Variants in UBAC2 observed in about 807,000 individuals in gnomAD.
UBAC2 encodes the protein UBA domain containing 2.
A neutral mutation model predicts 44.0 loss-of-function variants in UBAC2; 26 were observed. The ratio of observed to expected loss-of-function variants is 0.59; its 90% CI spans 0.43 to 0.82. UBAC2 has a LOEUF of 0.82. UBAC2 is among the 40% of genes least tolerant of loss of function. The probability of loss-of-function intolerance (pLI) is 0.00; values close to 1 mark genes in which losing one functional copy is unlikely to be tolerated. For missense variants in UBAC2, 329 were observed against 419.4 expected, an observed-to-expected ratio of 0.78 and a Z score of 1.88; for synonymous variants, 155 against 154.3, an observed-to-expected ratio of 1.00 and a Z score of -0.04.
intron 4 of UBAC2, among the ~76,000 whole-genome samples, chr13:99,284,537 T>C (rs934384141): frequency 6.6e-6 from 1 of 152,258 alleles, no homozygotes; most frequent in African/African-American, 2.4e-5. Context: ...ACAGTATTTT[T>C]TCTGAATCAT....
intron 7 of UBAC2, 45 bp downstream of exon 7, chr13:99,340,610 C>T (rs1594144650): frequency 6.3e-7 from 1 of 1,584,166 alleles, no homozygotes. Context: ...TTCTCAGTGG[C>T]CCAAGCAAAT....
chr13:99,300,134 C>T (rs1204626410), intron 4 of UBAC2, among the ~76,000 whole-genome samples: 5 of 152,194 alleles, frequency 3.3e-5, no homozygotes, highest in Non-Finnish European at 7.3e-5. Context: ...GCAGGGGGTG[C>T]CCACTTCCAG....
At chr13:99,258,206 C>G (rs2043601271) in intron 4 of UBAC2, 1 of 152,266 alleles carries the variant, frequency 6.6e-6, no homozygotes, top group African/African-American at 2.4e-5. Context: ...AGCACTTCCA[C>G]TTCTGTCGAA....
At chr13:99,289,293 G>A (rs1279023145) in intron 4 of UBAC2, among the ~76,000 whole-genome samples, 1 of 152,232 alleles carries the variant, frequency 6.6e-6, no homozygotes, top group African/African-American at 2.4e-5. Context: ...ATTAAGGGAG[G>A]CGGTGTGATT....
chr13:99,323,236 G>A (rs775224144), intron 6 of UBAC2, among the ~76,000 whole-genome samples: 7 of 152,100 alleles, frequency 4.6e-5, no homozygotes, highest in Non-Finnish European at 8.8e-5. Flanking sequence ...AAGCCTCCCA[G>A]TTAAACTTAC....
chr13:99,346,362 G>A (rs1008493366), intron 7 of UBAC2, among the ~76,000 whole-genome samples: 1 of 152,186 alleles, frequency 6.6e-6, no homozygotes, highest in Non-Finnish European at 1.5e-5. Context: ...TGTGAAAACA[G>A]AAATCTGCTT....
At chr13:99,257,958 T>C (rs910740910) in intron 4 of UBAC2, among the ~76,000 whole-genome samples, 6 of 152,242 alleles carry the variant, frequency 3.9e-5, no homozygotes, top group Non-Finnish European at 5.9e-5. Flanking sequence ...AAATATATTT[T>C]TTTAATAGAG....
intron 4 of UBAC2, among the ~76,000 whole-genome samples, chr13:99,272,649 AC>A (rs767733371): frequency 2.3e-4 from 35 of 152,172 alleles, no homozygotes; most frequent in African/African-American, 4.8e-5. Flanking sequence ...CTGTGTCCTT[AC>A]ATGGCTGAGA....
chr13:99,210,060 A>G (rs779284185), intron 1 of UBAC2, among the ~76,000 whole-genome samples: 4 of 152,236 alleles, frequency 2.6e-5, no homozygotes, highest in Admixed American at 2.0e-4. Flanking sequence ...GCTTTTAGAA[A>G]ATGTTTCTTT....
At chr13:99,336,114 A>T (rs2044785636) in intron 6 of UBAC2, among the ~76,000 whole-genome samples, 1 of 152,160 alleles carries the variant, frequency 6.6e-6, no homozygotes, top group Non-Finnish European at 1.5e-5. Flanking sequence ...GTGAGGATAA[A>T]CATCTTTTCA....
intron 4 of UBAC2, among the ~76,000 whole-genome samples, chr13:99,251,897 A>G (rs1053446725): frequency 2.6e-5 from 4 of 152,062 alleles, no homozygotes; most frequent in Admixed American, 1.3e-4. Context: ...TCTTACGCCA[A>G]GCTTCTAGGA....
intron 5 of UBAC2, 143 bp from the exon 6 acceptor site, chr13:99,317,879 A>G: frequency 1.8e-6 from 1 of 563,910 alleles, no homozygotes; most frequent in South Asian, 3.1e-5. Flanking sequence ...GATATTTACT[A>G]ATTTTCCATT....
chr13:99,315,995 C>G (rs1248618055), intron 5 of UBAC2, among the ~76,000 whole-genome samples: 1 of 151,704 alleles, frequency 6.6e-6, no homozygotes, highest in Non-Finnish European at 1.5e-5. Flanking sequence ...AACCTAATAT[C>G]TAGTGCCGTT....
At chr13:99,245,383 C>T (rs775412936) in intron 4 of UBAC2, among the ~76,000 whole-genome samples, 1 of 152,160 alleles carries the variant, frequency 6.6e-6, no homozygotes, top group Non-Finnish European at 1.5e-5. Context: ...TAAAACAAAG[C>T]CGGTGTATAG....
chr13:99,275,953 T>C (rs2043876560), intron 4 of UBAC2, among the ~76,000 whole-genome samples: 1 of 152,206 alleles, frequency 6.6e-6, no homozygotes, highest in African/African-American at 2.4e-5. Context: ...GATCATACTC[T>C]CCACTCTAAT....
intron 6 of UBAC2, among the ~76,000 whole-genome samples, chr13:99,334,569 A>C (rs1294413185): frequency 1.3e-5 from 2 of 152,248 alleles, no homozygotes; most frequent in Admixed American, 6.5e-5. Context: ...GAAGTAATTC[A>C]GTATTAACTC....
intron 4 of UBAC2, among the ~76,000 whole-genome samples, chr13:99,274,167 G>C (rs2043852924): frequency 6.6e-6 from 1 of 151,718 alleles, no homozygotes; most frequent in African/African-American, 2.4e-5. Flanking sequence ...AGTTTTGTCT[G>C]TTTTTAAACT....
intron 1 of UBAC2, among the ~76,000 whole-genome samples, chr13:99,219,688 T>G (rs1189778768): frequency 2.0e-5 from 3 of 152,144 alleles, no homozygotes; most frequent in Non-Finnish European, 2.9e-5. Context: ...ACCAAAAGAT[T>G]AGACATCCCT....
rs1318427700 is a variant in UBAC2 at position 99,244,496 on chromosome 13, C to A, written c.280-19C>A. ...TAGGAGACTCATCTCTATCATTTTTCTGCTGTTTTATTTTGTAGTCCTTTT... is the reference window on the plus strand; with the variant it reads ...TAGGAGACTCATCTCTATCATTTTTATGCTGTTTTATTTTGTAGTCCTTTT... On this transcript the variant is annotated intron_variant, in intron 3 of 8. Coordinates refer to ENST00000403766, the MANE Select transcript of UBAC2 (RefSeq NM_001144072.2). 4 of 1,547,238 alleles carry A rather than the reference C, an allele frequency of 2.6e-6. No homozygotes were observed. The African/African-American group carries it at 5.5e-5, about 21-fold the overall frequency.
Sources: allele counts gnomAD v4.1 joint callset (sites outside exome capture counted in the v4.1 genomes callset), GRCh38; gene constraint gnomAD v4.1.1; transcripts MANE v1.5; gene names NCBI Gene and HGNC (gene_info 2026-07-23, HGNC 2026-07-21).